ERO1B: variants seen among roughly 807,000 people sequenced by gnomAD.
The protein encoded by ERO1B is endoplasmic reticulum oxidoreductase 1 beta, also known as ERO1-like protein beta.
Under a neutral mutation model 75.3 loss-of-function variants are expected in ERO1B, and 49 were observed. That is an observed-to-expected ratio of 0.65 (90% CI 0.52 to 0.83). The LOEUF (loss-of-function observed/expected upper bound fraction) is 0.83. Ranked by LOEUF, ERO1B falls within the 40% of genes least tolerant of loss-of-function variation. The pLI is 0.00. For synonymous variants in ERO1B, 191 were observed against 192.9 expected (o/e 0.99, Z 0.08); for missense variants, 512 against 560.1 (o/e 0.91, Z 0.87).
chr1:236,242,594 C>T (rs73114917), intron 6 of ERO1B, among the ~76,000 whole-genome samples: 10,478 of 151,962 alleles, frequency 0.069, 750 homozygotes, highest in East Asian at 0.39. Context: ...CAATTCTACC[C>T]GTGAATCTTT....
intron 2 of ERO1B, among the ~76,000 whole-genome samples, chr1:236,255,208 A>G (rs539112762): frequency 2.0e-5 from 3 of 151,816 alleles, no homozygotes; most frequent in South Asian, 4.2e-4. Flanking sequence ...TGTTAAGATT[A>G]TAGGTGTGAG....
At chr1:236,228,455 G>A (rs1340702959) in intron 10 of ERO1B, among the ~76,000 whole-genome samples, 1 of 152,108 alleles carries the variant, frequency 6.6e-6, no homozygotes, top group East Asian at 1.9e-4. Context: ...TAATTACCGA[G>A]GTCCAGGCAA....
At chr1:236,244,932 A>C (rs1261107752) in intron 5 of ERO1B, among the ~76,000 whole-genome samples, 1 of 152,102 alleles carries the variant, frequency 6.6e-6, no homozygotes, top group Non-Finnish European at 1.5e-5. Flanking sequence ...GTAGTCTTCA[A>C]ACTGGGAAAT....
At chr1:236,239,768 G>A (rs949776328) in intron 6 of ERO1B, among the ~76,000 whole-genome samples, 5 of 135,806 alleles carry the variant, frequency 3.7e-5, no homozygotes, top group African/African-American at 1.3e-4. Context: ...AGTTGAACTA[G>A]TGTTATTTCC....
At chr1:236,230,028 C>A (rs1302453501) in intron 10 of ERO1B, among the ~76,000 whole-genome samples, 196 bp downstream of exon 10, 2 of 152,090 alleles carry the variant, frequency 1.3e-5, no homozygotes, top group African/African-American at 4.8e-5. Context: ...TTTATATAAA[C>A]CTGGTTTTTA....
chr1:236,251,490 G>A (rs1337286436), intron 4 of ERO1B: 2 of 980,016 alleles, frequency 2.0e-6, no homozygotes, highest in Admixed American at 1.2e-4. Flanking sequence ...AGAGCAAGAA[G>A]AAAACGCAAA....
At chr1:236,226,806 G>C in intron 10 of ERO1B, 67 bp from the exon 11 acceptor site, 1 of 1,165,496 alleles carries the variant, frequency 8.6e-7, no homozygotes, top group Non-Finnish European at 1.3e-6. Context: ...ACTCAAGGAG[G>C]TTCAGTATGT....
chr1:236,229,360 G>A (rs1664347627), intron 10 of ERO1B, among the ~76,000 whole-genome samples: 1 of 151,972 alleles, frequency 6.6e-6, no homozygotes, highest in African/African-American at 2.4e-5. Flanking sequence ...GGGAGGCAGA[G>A]GTTGCAGTGA....
rs1480746965 is a variant in ERO1B, at chr1:236,216,530, A to G, written c.*1986T>C. On this transcript the variant is annotated 3_prime_UTR_variant, in exon 16 of 16. Coordinates refer to ENST00000354619, the MANE Select transcript of ERO1B (RefSeq NM_019891.4). ...TGAAAAAATTAGTTAAGAACCTTAA[A>G]AAGAACTTTTTACTCTAACCAGATC... 3 of 152,268 alleles carry G rather than the reference A, an allele frequency of 2.0e-5. No homozygotes were observed. The highest frequency in any genetic ancestry group is 2.0e-4 in the Admixed American group (3 of 15,290). 9.4% of individuals were successfully genotyped at this position (152,268 alleles called of 1,614,324 possible).
chr1:236,246,322 C>T (rs565881052), intron 5 of ERO1B, among the ~76,000 whole-genome samples: 1 of 152,230 alleles, frequency 6.6e-6, no homozygotes, highest in South Asian at 2.1e-4. Flanking sequence ...GCTCATGCCA[C>T]TGCACCTGGC....
chr1:236,220,158 A>G (rs1572026740), intron 15 of ERO1B: 2 of 141,790 alleles, frequency 1.4e-5, no homozygotes, highest in East Asian at 4.0e-4. Flanking sequence ...TTAGTCCCCT[A>G]TTTTTTTTTT....
At chr1:236,257,815 G>A (rs534257240) in intron 2 of ERO1B, among the ~76,000 whole-genome samples, 3 of 151,130 alleles carry the variant, frequency 2.0e-5, no homozygotes, top group East Asian at 3.9e-4. Context: ...CAGCAGACTA[G>A]ATCAAGCAGA....
chr1:236,271,203 A>T (rs1469825340), intron 1 of ERO1B, among the ~76,000 whole-genome samples: 1 of 152,084 alleles, frequency 6.6e-6, no homozygotes, highest in Non-Finnish European at 1.5e-5. Context: ...TAACAACCAA[A>T]ATTTTCAAAA....
intron 2 of ERO1B, chr1:236,267,800 C>A (rs183227911): frequency 6.6e-6 from 1 of 152,128 alleles, no homozygotes; most frequent in Non-Finnish European, 1.5e-5. Context: ...GGCCTTTTGG[C>A]TAAGATCAAG....
chr1:236,220,596 C>A, intron 15 of ERO1B: 1 of 298,116 alleles, frequency 3.4e-6, no homozygotes, highest in Non-Finnish European at 6.0e-6. Context: ...GAATATCTCC[C>A]TTACAAAATT....
chr1:236,273,824 AAAAAAAAG>A (rs1216463763), intron 1 of ERO1B, among the ~76,000 whole-genome samples: 4 of 151,798 alleles, frequency 2.6e-5, no homozygotes, highest in Non-Finnish European at 5.9e-5. Context: ...AAAAAAAAAA[AAAAAAAAG>A]AGTTTCTCCA....
At position 236,225,102 on chromosome 1, in the gene ERO1B, C is replaced by A; in HGVS notation, c.1090G>T (p.Ala364Ser). ...GACTTGGCCCCTTTTTTGTCACCTGCAAACATGGATTTCTCATCAAAGTGC... is the reference window on the plus strand; with the variant it reads ...GACTTGGCCCCTTTTTTGTCACCTGAAAACATGGATTTCTCATCAAAGTGC... Reference protein sequence around the residue: ...PMHFDEKSMFAGDKKGAKSLK... With the variant: ...PMHFDEKSMFSGDKKGAKSLK... The change falls in exon 13 of 16, where the codon GCA becomes TCA. Residue 364 changes from alanine (A) to serine (S), a missense_variant. Coordinates refer to ENST00000354619, the MANE Select transcript of ERO1B (RefSeq NM_019891.4). 6.2e-7 allele frequency: 1 copy of A among 1,613,802 alleles called. No individual in the cohort carries two copies. Among genetic ancestry groups the A allele is most frequent in the Non-Finnish European group, 8.5e-7 (1 of 1,179,784 alleles).
At chr1:236,278,523 T>G (rs1665756891) in intron 1 of ERO1B, among the ~76,000 whole-genome samples, 1 of 152,062 alleles carries the variant, frequency 6.6e-6, no homozygotes, top group Non-Finnish European at 1.5e-5. Flanking sequence ...CTCAAGATCT[T>G]TAGGGTTTAG....
Position 236,226,724 on chromosome 1 carries a change from T to A in ERO1B, c.728A>T (p.Lys243Ile), listed in dbSNP as rs1453279084. 1 of 1,610,822 alleles carries A rather than the reference T, an allele frequency of 6.2e-7. No homozygotes were observed. The highest frequency in any genetic ancestry group is 8.5e-7 in the Non-Finnish European group (1 of 1,179,114). ...YTWLEGLCLE[K>I]RVFYKLISGL... ...CGATATAAGCTTATAGAAGACTCTT[T>A]TCTCCAGACACAAACCTATTCAGAA... The change falls in exon 11 of 16, where the codon AAA (lysine) becomes ATA (isoleucine). Residue 243 changes from lysine (K) to isoleucine (I), a missense_variant. Coordinates refer to ENST00000354619, the MANE Select transcript of ERO1B (RefSeq NM_019891.4).
Sources: allele counts gnomAD v4.1 joint callset (sites outside exome capture counted in the v4.1 genomes callset), GRCh38; gene constraint gnomAD v4.1.1; transcripts MANE v1.5; gene names NCBI Gene and HGNC (gene_info 2026-07-23, HGNC 2026-07-21).